ZCCHC14: variants seen among roughly 807,000 people sequenced by gnomAD.
ZCCHC14 encodes zinc finger CCHC-type containing 14.
A neutral mutation model predicts 85.0 loss-of-function variants in ZCCHC14; 16 were observed. That is an observed-to-expected ratio of 0.19 (90% CI 0.13 to 0.29). The LOEUF is 0.29. Ranked by LOEUF, ZCCHC14 falls within the 10% of genes least tolerant of loss-of-function variation. The probability of loss-of-function intolerance (pLI) is 1.00; values close to 1 mark genes in which losing one functional copy is unlikely to be tolerated. For missense variants in ZCCHC14, 1,303 were observed against 1,443.5 expected, an observed-to-expected ratio of 0.90 and a Z score of 1.58; for synonymous variants, 775 against 630.7, an observed-to-expected ratio of 1.23 and a Z score of -3.43.
rs1029530182 is a variant in ZCCHC14, at chr16:87,483,368, G to C, written c.570+8301C>G. 2.8e-5 allele frequency among the ~76,000 whole-genome samples: 4 copies of C among 140,994 alleles called. No homozygotes were observed. In the Admixed American group the frequency reaches 2.9e-4, roughly 10 times the overall value. 92.5% of individuals were successfully genotyped at this position (140,994 alleles called of 152,430 possible). ...TAGCCAGGCTTGGTGGCACGTGCCT[G>C]TAATCCCAGCTACTTGGGTGGCTGA... On this transcript the variant is annotated intron_variant, in intron 1 of 12. Coordinates refer to ENST00000671377, the MANE Select transcript of ZCCHC14 (RefSeq NM_015144.3).
At chr16:87,467,607 G>C (rs920965193) in intron 1 of ZCCHC14, 1 of 1,258,978 alleles carries the variant, frequency 7.9e-7, no homozygotes, top group Non-Finnish European at 1.2e-6. Context: ...AGGATCTGGA[G>C]ATGACAACTT....
At chr16:87,480,923 G>C (rs775225715) in intron 1 of ZCCHC14, among the ~76,000 whole-genome samples, 1 of 152,194 alleles carries the variant, frequency 6.6e-6, no homozygotes, top group Non-Finnish European at 1.5e-5. Context: ...GAGGAACTGC[G>C]CCTACAGAGA....
chr16:87,465,295 G>C (rs2150763921), intron 1 of ZCCHC14, among the ~76,000 whole-genome samples: 1 of 152,360 alleles, frequency 6.6e-6, no homozygotes, highest in Middle Eastern at 3.4e-3. Flanking sequence ...CGTTAATAAG[G>C]ATCTGTAAAA....
intron 1 of ZCCHC14, among the ~76,000 whole-genome samples, chr16:87,486,239 A>G (rs1325325578): frequency 6.6e-6 from 1 of 152,142 alleles, no homozygotes; most frequent in Admixed American, 6.5e-5. Context: ...AGCAATCAGA[A>G]CTGCATCCCA....
In ZCCHC14 at chr16:87,413,893, T is replaced by C. The variant is rs539513244; in HGVS notation, c.1603+521A>G. 2.0e-5 allele frequency among the ~76,000 whole-genome samples: 3 copies of C among 152,340 alleles called. No homozygotes were observed. The South Asian group carries it at 6.2e-4, about 32-fold the overall frequency. ...CGCTCGCTCTCACTGTGGCAGTTTC[T>C]GGACCTGATCATTTTGCCCAAGCAA... is the stretch of plus-strand genomic sequence containing the variant. On this transcript the variant is annotated intron_variant, in intron 10 of 12. Transcript: ENST00000671377.
intron 1 of ZCCHC14, among the ~76,000 whole-genome samples, chr16:87,464,916 C>G (rs1346309029): frequency 6.6e-6 from 1 of 152,232 alleles, no homozygotes; most frequent in Non-Finnish European, 1.5e-5. Context: ...AGAGGGAAGA[C>G]TGACCGGCTC....
At chr16:87,425,432 C>G (rs1023175342) in intron 3 of ZCCHC14, among the ~76,000 whole-genome samples, 1 of 151,930 alleles carries the variant, frequency 6.6e-6, no homozygotes, top group Non-Finnish European at 1.5e-5. Context: ...CAAAATTGGC[C>G]GGGCATGGTG....
intron 2 of ZCCHC14, among the ~76,000 whole-genome samples, chr16:87,441,074 G>A (rs1367489969): frequency 6.6e-6 from 1 of 151,590 alleles, no homozygotes; most frequent in Admixed American, 6.6e-5. Flanking sequence ...CGCCATCTCG[G>A]CTCACTGCAA....
intron 2 of ZCCHC14, among the ~76,000 whole-genome samples, chr16:87,434,581 C>G (rs978320342): frequency 5.9e-5 from 9 of 152,260 alleles, no homozygotes; most frequent in African/African-American, 2.2e-4. Context: ...TGTGACACTT[C>G]CTGCAGGCAC....
chr16:87,458,683 C>T (rs560289473), intron 2 of ZCCHC14, among the ~76,000 whole-genome samples: 1 of 152,254 alleles, frequency 6.6e-6, no homozygotes, highest in Non-Finnish European at 1.5e-5. Flanking sequence ...AGGCACGAAG[C>T]GCCGTGCCAG....
intron 12 of ZCCHC14, 195 bp downstream of exon 12, chr16:87,411,321 C>T: frequency 6.8e-7 from 1 of 1,467,884 alleles, no homozygotes; most frequent in Non-Finnish European, 9.0e-7. Flanking sequence ...CTGAAATCAT[C>T]ATGGCCGTTT....
chr16:87,451,253 A>G (rs1910688187), intron 2 of ZCCHC14, among the ~76,000 whole-genome samples: 1 of 149,720 alleles, frequency 6.7e-6, no homozygotes, highest in Non-Finnish European at 1.5e-5. Flanking sequence ...CTGGAATGCA[A>G]TGGCATGATC....
At chr16:87,458,427 G>A (rs1276521192) in intron 2 of ZCCHC14, among the ~76,000 whole-genome samples, 1 of 152,216 alleles carries the variant, frequency 6.6e-6, no homozygotes, top group African/African-American at 2.4e-5. Context: ...AAGAGCAGTG[G>A]ATAAGACAAA....
chr16:87,446,725 T>C (rs536275668), intron 2 of ZCCHC14, among the ~76,000 whole-genome samples: 5 of 152,104 alleles, frequency 3.3e-5, no homozygotes, highest in Non-Finnish European at 7.4e-5. Context: ...AGTTTCGCTC[T>C]GCCACCCAGG....
chr16:87,477,153 C>CAAAAAAAAA (rs1412376609), intron 1 of ZCCHC14, among the ~76,000 whole-genome samples: 12 of 116,190 alleles, frequency 1.0e-4, no homozygotes, highest in African/African-American at 5.4e-4. Context: ...AAAACAAAAC[C>CAAAAAAAAA]AAAAAAAAAT....
In ZCCHC14 at chr16:87,448,549, T is replaced by G. The variant is rs1361249873; in HGVS notation, c.694+11459A>C. Among the ~76,000 whole-genome samples the G allele has an allele frequency of 2.0e-5, 3 of 152,190 alleles. No homozygotes were observed. In the East Asian group the frequency reaches 5.8e-4, roughly 29 times the overall value. ...CCACCCTGCATTTCAGAGGCTGAGC[T>G]TGGCTGCCCATTTGCGCCACTCACC... On this transcript the variant is annotated intron_variant, in intron 2 of 12. Coordinates refer to ENST00000671377, the MANE Select transcript of ZCCHC14 (RefSeq NM_015144.3).
At chr16:87,489,732 C>G (rs767119561) in intron 1 of ZCCHC14, among the ~76,000 whole-genome samples, 9 of 152,196 alleles carry the variant, frequency 5.9e-5, no homozygotes, top group Admixed American at 3.3e-4. Context: ...GCCCCTTCAT[C>G]TCATCAAAGG....
At chr16:87,467,390 A>G in intron 1 of ZCCHC14, 2 of 1,600,336 alleles carry the variant, frequency 1.2e-6, no homozygotes, top group South Asian at 1.1e-5. Flanking sequence ...AACTGGGCAC[A>G]GTTTACTGTC....
intron 1 of ZCCHC14, among the ~76,000 whole-genome samples, chr16:87,468,210 C>T (rs746001204): frequency 6.6e-5 from 10 of 152,096 alleles, no homozygotes; most frequent in African/African-American, 1.7e-4. Context: ...GAAGGGTAGA[C>T]GTACAGATGG....
Sources: gnomAD v4.1 joint callset for allele counts (sites outside exome capture counted in the v4.1 genomes callset) on GRCh38, gnomAD v4.1.1 for gene constraint, MANE v1.5 for transcripts, NCBI Gene and HGNC (gene_info 2026-07-23, HGNC 2026-07-21) for gene names.